Variants in RARS2 observed in about 807,000 individuals in gnomAD.
RARS2 encodes the protein probable arginine--tRNA ligase, mitochondrial.
A neutral mutation model predicts 88.5 loss-of-function variants in RARS2; 67 were observed. The observed-to-expected ratio is 0.76, with a 90% confidence interval of 0.62 to 0.93. The LOEUF (loss-of-function observed/expected upper bound fraction) is 0.93, where lower values mean the gene tolerates loss of function less well. Ranked by LOEUF, RARS2 falls within the 40% of genes least tolerant of loss-of-function variation. The pLI, the probability that RARS2 is intolerant of heterozygous loss-of-function variation, is 0.00. For missense variants in RARS2, 664 were observed against 684.2 expected, an observed-to-expected ratio of 0.97 and a Z score of 0.33; for synonymous variants, 239 against 230.3, an observed-to-expected ratio of 1.04 and a Z score of -0.34.
rs942433748 is a variant in RARS2, at chr6:87,527,453, T to C, written c.878+2089A>G. ...GTGGATTAAAGACAAATCTAAGACCTGAGCTGTAAAACTATTAGAGGAAAA... is the reference window on the plus strand; with the variant it reads ...GTGGATTAAAGACAAATCTAAGACCCGAGCTGTAAAACTATTAGAGGAAAA... On this transcript the variant is annotated intron_variant, in intron 10 of 19. Coordinates refer to ENST00000369536, the MANE Select transcript of RARS2 (RefSeq NM_020320.5). Among the ~76,000 whole-genome samples the C allele has an allele frequency of 3.4e-4, 52 of 152,134 alleles. 1 individual carries two copies. The highest frequency in any genetic ancestry group is 1.1e-3 in the African/African-American group (45 of 41,440).
chr6:87,546,078 G>C (rs936701378), intron 6 of RARS2, among the ~76,000 whole-genome samples: 1 of 151,806 alleles, frequency 6.6e-6, no homozygotes, highest in Non-Finnish European at 1.5e-5. Context: ...CCTCACTGTT[G>C]TATTTTCCCT....
chr6:87,568,262 C>T (rs973493412), intron 2 of RARS2, among the ~76,000 whole-genome samples: 5 of 152,150 alleles, frequency 3.3e-5, no homozygotes, highest in African/African-American at 7.2e-5. Context: ...CTTTGGGAGA[C>T]CAAGGCAAGG....
chr6:87,570,331 C>T (rs996218017), intron 1 of RARS2, among the ~76,000 whole-genome samples: 1 of 152,158 alleles, frequency 6.6e-6, no homozygotes, highest in Non-Finnish European at 1.5e-5. Flanking sequence ...AAAAGCTCCT[C>T]GCACGACTGT....
At chr6:87,535,721 G>C (rs1778941622) in intron 8 of RARS2, among the ~76,000 whole-genome samples, 1 of 147,160 alleles carries the variant, frequency 6.8e-6, no homozygotes. Flanking sequence ...CTGTTGCCCA[G>C]GCTGGAGTGC....
intron 2 of RARS2, among the ~76,000 whole-genome samples, chr6:87,566,849 CAAAAAAAA>C (rs36032606): frequency 3.3e-5 from 2 of 60,294 alleles, no homozygotes; most frequent in African/African-American, 1.3e-4. Flanking sequence ...GGTCCTGTCT[CAAAAAAAA>C]AAAAAAAAAA....
At chr6:87,568,019 C>T (rs1350595839) in intron 2 of RARS2, among the ~76,000 whole-genome samples, 2 of 152,132 alleles carry the variant, frequency 1.3e-5, no homozygotes, top group Non-Finnish European at 2.9e-5. Flanking sequence ...GATCTGCCTG[C>T]CTCGGCCTCC....
At chr6:87,529,691 A>G in intron 9 of RARS2, 43 bp from the exon 10 acceptor site, 1 of 1,405,648 alleles carries the variant, frequency 7.1e-7, no homozygotes, top group Non-Finnish European at 1.0e-6. Flanking sequence ...ATGTTAATTG[A>G]ATCTCCTATT....
At chr6:87,577,709 C>G (rs1424548919) in intron 1 of RARS2, among the ~76,000 whole-genome samples, 5 of 152,086 alleles carry the variant, frequency 3.3e-5, no homozygotes, top group Admixed American at 3.3e-4. Flanking sequence ...ATGTTATAAA[C>G]TTTGAGTGAG....
At chr6:87,521,345 A>G (rs1310222132) in intron 12 of RARS2, 119 bp downstream of exon 12, 2 of 784,378 alleles carry the variant, frequency 2.5e-6, no homozygotes, top group African/African-American at 3.5e-5. Flanking sequence ...CCCACTTTAA[A>G]CATACTTAAT....
chr6:87,529,741 C>T (rs1776850694), intron 9 of RARS2, 93 bp from the exon 10 acceptor site: 3 of 817,568 alleles, frequency 3.7e-6, no homozygotes, highest in Non-Finnish European at 6.4e-6. Flanking sequence ...TACCACCTGT[C>T]ACACACATGA....
At chr6:87,526,854 A>G (rs1225427825) in intron 10 of RARS2, among the ~76,000 whole-genome samples, 1 of 151,564 alleles carries the variant, frequency 6.6e-6, no homozygotes, top group Non-Finnish European at 1.5e-5. Flanking sequence ...TATTTTTAGT[A>G]GAGATGGGGT....
intron 8 of RARS2, among the ~76,000 whole-genome samples, chr6:87,534,400 T>C (rs1034310074): frequency 2.0e-5 from 3 of 152,212 alleles, no homozygotes; most frequent in Non-Finnish European, 4.4e-5. Flanking sequence ...CCACATTCAT[T>C]ATATCTTACA....
chr6:87,585,646 G>C (rs1399834305), intron 1 of RARS2, among the ~76,000 whole-genome samples: 1 of 152,020 alleles, frequency 6.6e-6, no homozygotes, highest in Non-Finnish European at 1.5e-5. Context: ...GTGGGAGAAT[G>C]GCGTGAACCC....
At chr6:87,527,623 G>C (rs970967835) in intron 10 of RARS2, among the ~76,000 whole-genome samples, 1 of 152,120 alleles carries the variant, frequency 6.6e-6, no homozygotes, top group Non-Finnish European at 1.5e-5. Context: ...AGACAACCTA[G>C]AGGATTAAAG....
At chr6:87,551,358 G>A (rs913429042) in intron 5 of RARS2, among the ~76,000 whole-genome samples, 1 of 151,990 alleles carries the variant, frequency 6.6e-6, no homozygotes, top group Admixed American at 6.6e-5. Flanking sequence ...GGGCATGGTC[G>A]CTCACGTCTA....
Position 87,554,580 on chromosome 6 carries a change from C to T in RARS2, c.395+828G>A, listed in dbSNP as rs941874186. 2.6e-5 allele frequency among the ~76,000 whole-genome samples: 4 copies of T among 152,232 alleles called. No homozygotes were observed. In the South Asian group the frequency reaches 8.3e-4, roughly 32 times the overall value. On this transcript the variant is annotated intron_variant, in intron 5 of 19. Coordinates refer to ENST00000369536, the MANE Select transcript of RARS2 (RefSeq NM_020320.5). Reference sequence around the variant, plus strand: ...CAAGCCATCTTTCCTCCTCAGCTTCCCAAGTAGCTGTCACTACAGGAGTGT... The same window carrying T: ...CAAGCCATCTTTCCTCCTCAGCTTCTCAAGTAGCTGTCACTACAGGAGTGT...
At position 87,576,204 on chromosome 6, in the gene RARS2, A is replaced by G. The variant is rs879720448; in HGVS notation, c.37-6614T>C. ...ATTTATATAAAATTTAATAACTTGT[A>G]AAATAATACTATTTAGAGATACATT... On this transcript the variant is annotated intron_variant, in intron 1 of 19. Transcript: ENST00000369536. Among the ~76,000 whole-genome samples, 74 of 121,482 alleles carry G rather than the reference A, an allele frequency of 6.1e-4. 17 individuals are homozygous for G. Among genetic ancestry groups the G allele is most frequent in the South Asian group, 2.6e-3 (9 of 3,476 alleles). The allele number at this position is 121,482 out of a possible 152,430, so 79.7% of individuals were successfully genotyped here.
At chr6:87,582,947 T>C (rs1027938501) in intron 1 of RARS2, among the ~76,000 whole-genome samples, 3 of 152,138 alleles carry the variant, frequency 2.0e-5, no homozygotes, top group African/African-American at 7.2e-5. Flanking sequence ...AGAAACTAAA[T>C]GCAATTTGTG....
At chr6:87,536,005 CA>C (rs1562119225) in intron 8 of RARS2, among the ~76,000 whole-genome samples, 2 of 151,858 alleles carry the variant, frequency 1.3e-5, no homozygotes, top group Middle Eastern at 3.2e-3. Context: ...TTTTTAATGT[CA>C]GTGCTAGGAT....
Sources: gnomAD v4.1 joint callset for allele counts (sites outside exome capture counted in the v4.1 genomes callset) on GRCh38, gnomAD v4.1.1 for gene constraint, MANE v1.5 for transcripts, NCBI Gene and HGNC (gene_info 2026-07-23, HGNC 2026-07-21) for gene names.